The following TRPM2 variants were observed in gnomAD, a reference collection of about 807,000 sequenced individuals.
TRPM2 encodes estrogen-responsive element-associated gene 1 protein.
Under a neutral mutation model 174.0 loss-of-function variants are expected in TRPM2, and 161 were observed. The observed-to-expected ratio is 0.93, with a 90% CI of 0.81 to 1.05. TRPM2 has a LOEUF of 1.05. Among genes scored for constraint, TRPM2 ranks in the 50% least tolerant of loss-of-function variants. The probability of loss-of-function intolerance (pLI) is 0.00; values close to 1 mark genes in which losing one functional copy is unlikely to be tolerated. For missense variants in TRPM2, 2,057 were observed against 2,038.0 expected (o/e 1.01, Z -0.18); for synonymous variants, 954 against 861.3 (o/e 1.11, Z -1.88).
At chr21:44,436,493 C>T (rs369094223) in intron 28 of TRPM2, among the ~76,000 whole-genome samples, 69 of 150,924 alleles carry the variant, frequency 4.6e-4, no homozygotes, top group Middle Eastern at 3.4e-3. Flanking sequence ...CGGCACCCCA[C>T]GTCACCCCCA....
intron 11 of TRPM2, among the ~76,000 whole-genome samples, chr21:44,392,515 C>G (rs1013599239): frequency 2.0e-5 from 3 of 151,490 alleles, no homozygotes; most frequent in Non-Finnish European, 4.4e-5. Context: ...ATCCTCCTGT[C>G]TTGGCCTCCC....
rs551635274 is a variant in TRPM2, at chr21:44,354,181, G to A, written c.165+316G>A. 5.3e-5 allele frequency among the ~76,000 whole-genome samples: 8 copies of A among 152,280 alleles called. 1 individual carries two copies. The highest frequency in any genetic ancestry group is 1.9e-4 in the African/African-American group (8 of 41,540). On this transcript the variant is annotated intron_variant, in intron 1 of 31. Transcript: ENST00000397928. The surrounding 1 kb of genome is among the most constrained non-coding windows in gnomAD (Gnocchi z 4.3). ...CATAATGATTTCACATCCTTTATCC[G>A]ATTGGGAGGGCCTGGGCCTGGGCTA... is the stretch of plus-strand genomic sequence containing the variant.
At chr21:44,373,313 A>C (rs2048595515) in intron 5 of TRPM2, among the ~76,000 whole-genome samples, 1 of 151,940 alleles carries the variant, frequency 6.6e-6, no homozygotes, top group South Asian at 2.1e-4. Flanking sequence ...CAGCCTCCTG[A>C]GTAGCTAGGT....
At chr21:44,352,819 A>G (rs1487320237), upstream of TRPM2, among the ~76,000 whole-genome samples, 1 of 152,182 alleles carries the variant, frequency 6.6e-6, no homozygotes, top group Admixed American at 6.5e-5. Context: ...CATTTGAATT[A>G]TTGTCTTTTT....
intron 15 of TRPM2, among the ~76,000 whole-genome samples, chr21:44,400,762 G>A (rs1181073297): frequency 1.3e-5 from 2 of 152,226 alleles, no homozygotes; most frequent in East Asian, 1.9e-4. Context: ...CCCTGTCCTC[G>A]CAGCCGCAGA....
chr21:44,395,542 CT>C lies in TRPM2; in HGVS notation c.1924del (p.Trp642GlyfsTer18), dbSNP rs774292246. On this transcript the variant is annotated frameshift_variant, in exon 12 of 32. Transcript: ENST00000397928. LOFTEE classifies it high-confidence loss of function. ...QNRRELAGII[W>X]AQSQDCIAAA... ...ACCGTCGGGAGCTGGCAGGAATCATCTGGGCTCAGGTAATAAGACTGGCTTC... is the reference window on the plus strand; with the variant it reads ...ACCGTCGGGAGCTGGCAGGAATCATCGGGCTCAGGTAATAAGACTGGCTTC... 3.7e-6 allele frequency: 6 copies of C among 1,612,838 alleles called. No individual in the cohort carries two copies. The highest frequency in any genetic ancestry group is 5.1e-6 in the Non-Finnish European group (6 of 1,179,938).
chr21:44,414,426 G>C (rs189009624), intron 20 of TRPM2, among the ~76,000 whole-genome samples: 1 of 152,188 alleles, frequency 6.6e-6, no homozygotes, highest in Admixed American at 6.5e-5. Flanking sequence ...CTGCGCAGGC[G>C]CAGCATTATT....
chr21:44,395,685 TGTGG>T, intron 12 of TRPM2, 134 bp downstream of exon 12: 3 of 87,988 alleles, frequency 3.4e-5, no homozygotes, highest in Non-Finnish European at 4.9e-5. Context: ...TGTGGAGGGG[TGTGG>T]AGGGCTGTGG....
At position 44,440,874 on chromosome 21, in the gene TRPM2, A is replaced by C. The variant is rs1019668220; in HGVS notation, c.4355A>C (p.Gln1452Pro). The change falls in exon 31 of 32, where the codon CAG becomes CCG. Residue 1452 changes from glutamine (Q) to proline (P), a missense_variant. Gln to Pro is a moderately conservative substitution (Grantham distance 76). Transcript: ENST00000397928. ...GCCGTCAGCGTCCACTTCCAGGACC[A>C]GAATGACGTGGAGCTGAACAGGCTG... ...TVAVSVHFQD[Q>P]NDVELNRLNS... 1.2e-6 allele frequency: 2 copies of C among 1,613,980 alleles called. No homozygotes were observed. Among genetic ancestry groups the C allele is most frequent in the East Asian group, 4.5e-5 (2 of 44,886 alleles).
At position 44,382,728 on chromosome 21, in the gene TRPM2, T is replaced by G; in HGVS notation, c.1226T>G (p.Ile409Ser). 1.9e-6 allele frequency: 3 copies of G among 1,613,984 alleles called. No homozygotes were observed. The highest frequency in any genetic ancestry group is 1.7e-6 in the Non-Finnish European group (2 of 1,179,960). Residue 409 changes from isoleucine to serine, a missense_variant, in exon 9 of 32, where the codon ATC becomes AGC. Transcript: ENST00000397928. ...AAATGCTTGTTGCAGATCCAAGATATCGTCCGGAGGCGGCAGCTGCTGACT... is the reference window on the plus strand; with the variant it reads ...AAATGCTTGTTGCAGATCCAAGATAGCGTCCGGAGGCGGCAGCTGCTGACT... ...IVEWTKKIQD[I>S]VRRRQLLTVF...
rs45570639 is a variant in TRPM2, at chr21:44,437,075, G to A, written c.4075G>A (p.Glu1359Lys). ...YPMVTRWRRN[E>K]DGAICRKSIK... is the part of the protein sequence containing the mutation. ...CTCTCTCCGCAGGTGGAGGCGGAACGAGGATGGAGCCATCTGCAGGAAGAG... is the reference window on the plus strand; with the variant it reads ...CTCTCTCCGCAGGTGGAGGCGGAACAAGGATGGAGCCATCTGCAGGAAGAG... The change falls in exon 29 of 32, where the codon GAG (glutamate) becomes AAG (lysine). Residue 1359 changes from glutamate to lysine, a missense_variant. Transcript: ENST00000397928. The A allele has an allele frequency of 1.4e-3, 2,145 of 1,550,766 alleles. 23 individuals are homozygous for A. In the African/African-American group the frequency reaches 0.022, roughly 16 times the overall value.
intron 22 of TRPM2, among the ~76,000 whole-genome samples, chr21:44,419,052 A>C (rs557964212): frequency 6.6e-6 from 1 of 152,232 alleles, no homozygotes; most frequent in East Asian, 1.9e-4. Flanking sequence ...GTGTTGGGGG[A>C]ACATCTGCTC....
chr21:44,394,435 T>A (rs1187226286), intron 11 of TRPM2, among the ~76,000 whole-genome samples: 1 of 150,784 alleles, frequency 6.6e-6, no homozygotes, highest in Non-Finnish European at 1.5e-5. Flanking sequence ...TTGTCTTGCC[T>A]CAGCCTTCCG....
At chr21:44,409,325 A>G (rs2050010727) in intron 19 of TRPM2, among the ~76,000 whole-genome samples, 1 of 152,140 alleles carries the variant, frequency 6.6e-6, no homozygotes, top group Non-Finnish European at 1.5e-5. Context: ...TCCCAGCACT[A>G]TTTGTTGACA....
chr21:44,409,781 C>G (rs76043044), intron 19 of TRPM2, among the ~76,000 whole-genome samples: 176 of 99,652 alleles, frequency 1.8e-3, no homozygotes, highest in South Asian at 2.3e-3. Context: ...TGACTGCACT[C>G]TCTTGGTTGG....
rs35288229 is a variant in TRPM2 at position 44,400,313 on chromosome 21, C to A, written c.2263C>A (p.Arg755Ser). 1.2e-6 allele frequency: 2 copies of A among 1,612,782 alleles called. No individual in the cohort carries two copies. The highest frequency in any genetic ancestry group is 8.5e-7 in the Non-Finnish European group (1 of 1,179,868). The part of the protein sequence containing the change: ...GQLSVDNGLW[R>S]VTLCMLAFPL... Reference sequence around the variant, plus strand: ...GCTCTCCGTGGACAATGGGCTGTGGCGTGTGACCCTGTGCATGCTGGCCTT... The same window carrying A: ...GCTCTCCGTGGACAATGGGCTGTGGAGTGTGACCCTGTGCATGCTGGCCTT... Residue 755 changes from arginine (R) to serine (S), a missense_variant, in exon 15 of 32, where the codon CGT becomes AGT. Transcript: ENST00000397928.
rs774071963 is a variant in TRPM2 at position 44,377,771 on chromosome 21, C to T, written c.1012C>T (p.His338Tyr). ...VVLEGGPGTL[H>Y]TIDNATTNGT... ...GCTGGAGGGCGGCCCGGGCACGTTG[C>T]ACGTGAGTATGGCCAGGTGGGAGGG... is the stretch of plus-strand genomic sequence containing the variant. The change falls in exon 7 of 32, where the codon CAC becomes TAC. Residue 338 changes from histidine to tyrosine, a missense_variant and splice_region_variant. Transcript: ENST00000397928. 2 of 1,614,124 alleles carry T rather than the reference C, an allele frequency of 1.2e-6. No homozygotes were observed. The highest frequency in any genetic ancestry group is 2.2e-5 in the South Asian group (2 of 91,080).
At chr21:44,426,848 G>C in intron 26 of TRPM2, 112 bp downstream of exon 26, 1 of 1,449,284 alleles carries the variant, frequency 6.9e-7, no homozygotes, top group Non-Finnish European at 9.6e-7. Context: ...AGGTGAGCAG[G>C]AGGGGCCCGT....
chr21:44,423,293 C>G (rs2050618013), intron 22 of TRPM2: 1 of 305,232 alleles, frequency 3.3e-6, no homozygotes, highest in African/African-American at 2.1e-5. Context: ...ACATCACCCC[C>G]AAAACAAAAC....
Sources: allele counts gnomAD v4.1 joint callset (sites outside exome capture counted in the v4.1 genomes callset), GRCh38; gene constraint gnomAD v4.1.1; non-coding constraint Gnocchi (gnomAD v3.1); transcripts MANE v1.5; gene names NCBI Gene and HGNC (gene_info 2026-07-23, HGNC 2026-07-21).